CRACD: variants seen among roughly 807,000 people sequenced by gnomAD.
CRACD encodes the protein capping protein-inhibiting regulator of actin dynamics.
A neutral mutation model predicts 106.8 loss-of-function variants in CRACD; 56 were observed. The ratio of observed to expected loss-of-function variants is 0.52; its 90% CI spans 0.42 to 0.66. The LOEUF is 0.66. Among genes scored for constraint, CRACD ranks in the 30% least tolerant of loss-of-function variants. CRACD has a pLI of 0.00. For synonymous variants in CRACD, 754 were observed against 670.8 expected, an observed-to-expected ratio of 1.12 and a Z score of -1.92; for missense variants, 1,730 against 1,623.2, an observed-to-expected ratio of 1.07 and a Z score of -1.13.
chr4:56,313,171 A>C (rs1421515093), intron 6 of CRACD, 26 bp from the exon 7 acceptor site: 2 of 1,597,868 alleles, frequency 1.3e-6, no homozygotes, highest in South Asian at 1.1e-5. Context: ...ATCCCAACTG[A>C]CTTTCTATTT....
chr4:56,232,058 A>G (rs1022208027), intron 2 of CRACD, among the ~76,000 whole-genome samples: 4 of 151,970 alleles, frequency 2.6e-5, no homozygotes, highest in Admixed American at 6.6e-5. Flanking sequence ...AGCCAACTCA[A>G]CTCTCCCACA....
chr4:56,174,131 T>A (rs776636529), intron 1 of CRACD, among the ~76,000 whole-genome samples: 3 of 152,244 alleles, frequency 2.0e-5, no homozygotes, highest in Admixed American at 1.3e-4. Flanking sequence ...ACCATTTTTT[T>A]AAATACATGC....
chr4:56,108,139 G>A (rs1273937504), intron 1 of CRACD, among the ~76,000 whole-genome samples: 1 of 152,178 alleles, frequency 6.6e-6, no homozygotes, highest in Admixed American at 6.5e-5. Context: ...TGGCTAGTTA[G>A]TTGCCTGCCT....
rs116042016 is a variant in CRACD, at chr4:56,108,917, T to C, written c.-336+59618T>C. ...TGAAAGTGGACAAGGAGCGTGATCA[T>C]TGAAGCACAGCACCACAGGGAGGGG... On this transcript the variant is annotated intron_variant, in intron 1 of 10. Coordinates refer to ENST00000682029, the MANE Select transcript of CRACD (RefSeq NM_001393381.1). Among the ~76,000 whole-genome samples the C allele has an allele frequency of 3.2e-3, 494 of 152,340 alleles. 1 individual carries two copies. The highest frequency in any genetic ancestry group is 5.4e-3 in the Non-Finnish European group (370 of 68,022).
intron 2 of CRACD, among the ~76,000 whole-genome samples, chr4:56,264,952 C>T (rs1223797775): frequency 1.3e-5 from 2 of 152,142 alleles, no homozygotes; most frequent in Non-Finnish European, 2.9e-5. Flanking sequence ...AAGAGAAAAC[C>T]GTTTCTTCTT....
At chr4:56,175,834 G>A (rs558194175) in intron 1 of CRACD, among the ~76,000 whole-genome samples, 3 of 152,240 alleles carry the variant, frequency 2.0e-5, no homozygotes, top group African/African-American at 7.2e-5. Flanking sequence ...GTGCCTTTGA[G>A]GTCTTACTCA....
chr4:56,143,487 C>T (rs1172604786), intron 1 of CRACD, among the ~76,000 whole-genome samples: 1 of 151,792 alleles, frequency 6.6e-6, no homozygotes, highest in Non-Finnish European at 1.5e-5. Context: ...ATTTTTTGTT[C>T]TCTTGCAATA....
chr4:56,223,912 C>T (rs1362006660), intron 2 of CRACD, among the ~76,000 whole-genome samples: 4 of 152,134 alleles, frequency 2.6e-5, no homozygotes, highest in Non-Finnish European at 5.9e-5. Flanking sequence ...GCACTTGCCA[C>T]CAGGCCTGGC....
chr4:56,300,158 G>A (rs1744284485), intron 4 of CRACD, among the ~76,000 whole-genome samples: 1 of 152,082 alleles, frequency 6.6e-6, no homozygotes, highest in Admixed American at 6.6e-5. Flanking sequence ...AAAATTATTT[G>A]TGAGGTGTTC....
intron 1 of CRACD, among the ~76,000 whole-genome samples, chr4:56,170,448 T>C (rs1220627318): frequency 2.0e-5 from 3 of 152,156 alleles, no homozygotes; most frequent in African/African-American, 7.2e-5. Context: ...ACTTTTGGTA[T>C]AGTCATTTTA....
chr4:56,269,159 G>A (rs1742201455), intron 2 of CRACD, among the ~76,000 whole-genome samples: 5 of 152,110 alleles, frequency 3.3e-5, no homozygotes, highest in African/African-American at 1.2e-4. Flanking sequence ...GAAGTGGGCA[G>A]ATTAATTGAG....
chr4:56,209,517 T>C (rs1011352687), intron 2 of CRACD, among the ~76,000 whole-genome samples: 2 of 152,134 alleles, frequency 1.3e-5, no homozygotes, highest in African/African-American at 4.8e-5. Flanking sequence ...TAGTTTTTAG[T>C]GAAATCCCTA....
intron 1 of CRACD, among the ~76,000 whole-genome samples, chr4:56,064,136 G>A (rs1732379095): frequency 6.6e-6 from 1 of 152,132 alleles, no homozygotes; most frequent in Non-Finnish European, 1.5e-5. Context: ...TTGACCATTT[G>A]TATAGCTTCT....
At chr4:56,163,745 TG>T (rs1370782380) in intron 1 of CRACD, among the ~76,000 whole-genome samples, 10 of 151,380 alleles carry the variant, frequency 6.6e-5, no homozygotes, top group African/African-American at 2.4e-4. Context: ...AAGTTCTTTG[TG>T]TGTATCTTTT....
chr4:56,307,281 C>T (rs1395376395), intron 4 of CRACD, among the ~76,000 whole-genome samples: 1 of 151,898 alleles, frequency 6.6e-6, no homozygotes, highest in Non-Finnish European at 1.5e-5. Context: ...GTTGGGATCT[C>T]CATGAAAGAG....
At chr4:56,309,078 C>A (rs1007870890) in intron 5 of CRACD, 2 of 454,550 alleles carry the variant, frequency 4.4e-6, no homozygotes, top group East Asian at 7.0e-5. Flanking sequence ...AAAATGCTGG[C>A]TGCACAGAAA....
At position 56,315,444 on chromosome 4, in the gene CRACD, G is replaced by A. The variant is rs748955966; in HGVS notation, c.1942G>A (p.Gly648Ser). ...CCGAGGCCCCGGCGACGCGAGGGCG[G>A]GCAGCGGGAAGGCTAAGCCCCGCCA... The part of the protein sequence containing the change: ...PPRGPGDARA[G>S]SGKAKPRQES... The change falls in exon 8 of 11, where the codon GGC becomes AGC. Residue 648 changes from glycine to serine, a missense_variant. Transcript: ENST00000682029. The surrounding 1 kb of genome is among the most constrained non-coding windows in gnomAD (Gnocchi z 4.1). 7 of 1,612,888 alleles carry A rather than the reference G, an allele frequency of 4.3e-6. No individual in the cohort carries two copies. The South Asian group carries it at 6.6e-5, about 15-fold the overall frequency.
Position 56,315,837 on chromosome 4 carries a change from C to A in CRACD, c.2335C>A (p.His779Asn), listed in dbSNP as rs1007101082. The A allele has an allele frequency of 4.3e-6, 7 of 1,614,038 alleles. No individual in the cohort carries two copies. The highest frequency in any genetic ancestry group is 2.7e-5 in the African/African-American group (2 of 74,930). ...GAAGGGTCCGGAGAAGTCGGAGATG[C>A]ACCGGGAGCCCGCAGACACCACCGA... ...LGKGPEKSEM[H>N]REPADTTEGC... The change falls in exon 8 of 11, where the codon CAC (histidine) becomes AAC (asparagine). Residue 779 changes from histidine to asparagine, a missense_variant. His to Asn is a moderately conservative substitution (Grantham distance 68, BLOSUM62 1). This residue lies in a region of CRACD where 1,620 missense variants were observed against 1,481.6 expected (regional missense o/e 1.09). Coordinates refer to ENST00000682029, the MANE Select transcript of CRACD (RefSeq NM_001393381.1). This position sits in a 1 kb window ranked among gnomAD's most constrained non-coding sequence, Gnocchi z 4.1.
rs577098143 is a variant in CRACD at position 56,230,427 on chromosome 4, T to C, written c.-188-41894T>C. 2.0e-5 allele frequency among the ~76,000 whole-genome samples: 3 copies of C among 152,314 alleles called. No homozygotes were observed. The South Asian group carries it at 6.2e-4, about 32-fold the overall frequency. On this transcript the variant is annotated intron_variant, in intron 2 of 10. Coordinates refer to ENST00000682029, the MANE Select transcript of CRACD (RefSeq NM_001393381.1). ...TGTACTGAGCACTGCTATCTGTCTGTGGTGGCCCCGGTGGAGGACACAAGA... is the reference window on the plus strand; with the variant it reads ...TGTACTGAGCACTGCTATCTGTCTGCGGTGGCCCCGGTGGAGGACACAAGA...
Sources: gnomAD v4.1 joint callset for allele counts (sites outside exome capture counted in the v4.1 genomes callset) on GRCh38, gnomAD v4.1.1 for gene constraint, gnomAD v4.1.1 regional missense constraint, Gnocchi (gnomAD v3.1) non-coding constraint, MANE v1.5 for transcripts, NCBI Gene and HGNC (gene_info 2026-07-23, HGNC 2026-07-21) for gene names.